Variants in ARFIP1 observed in about 807,000 individuals in gnomAD.
The protein encoded by ARFIP1 is arfaptin-1.
ARFIP1 carries 24 observed loss-of-function variants against 42.5 expected under a neutral mutation model. The observed-to-expected ratio is 0.57, with a 90% CI of 0.41 to 0.80. ARFIP1 has a LOEUF of 0.80. ARFIP1 is among the 30% of genes least tolerant of loss of function. ARFIP1 has a pLI of 0.00. For synonymous variants in ARFIP1, 141 were observed against 153.7 expected (o/e 0.92, Z 0.61); for missense variants, 354 against 434.0 (o/e 0.82, Z 1.64).
At chr4:152,888,398 G>T in intron 8 of ARFIP1, 91 bp downstream of exon 8, 1 of 871,174 alleles carries the variant, frequency 1.1e-6, no homozygotes. Flanking sequence ...TAACTCTCTT[G>T]TATGACAATT....
intron 5 of ARFIP1, among the ~76,000 whole-genome samples, chr4:152,874,096 A>G (rs74638009): frequency 0.038 from 5,710 of 152,164 alleles, 158 homozygotes; most frequent in South Asian, 0.079. Flanking sequence ...CATGTTGTTT[A>G]GTTGATGTTT....
intron 1 of ARFIP1, among the ~76,000 whole-genome samples, chr4:152,826,488 G>A (rs1384709995): frequency 6.6e-6 from 1 of 152,034 alleles, no homozygotes; most frequent in Non-Finnish European, 1.5e-5. Flanking sequence ...AGGGTGCTGG[G>A]GAGTGAGGGA....
intron 2 of ARFIP1, among the ~76,000 whole-genome samples, chr4:152,847,469 T>G (rs1373807476): frequency 6.6e-6 from 1 of 152,028 alleles, no homozygotes; most frequent in Non-Finnish European, 1.5e-5. Context: ...AACAGCCAGA[T>G]GTGGAGAGGA....
chr4:152,789,080 CTTTTT>C (rs71598215), intron 1 of ARFIP1, among the ~76,000 whole-genome samples: 1 of 71,858 alleles, frequency 1.4e-5, no homozygotes, highest in Non-Finnish European at 2.6e-5. Context: ...AGAATACAGA[CTTTTT>C]TTTTTTTTTT....
chr4:152,874,693 C>T (rs751333039), intron 5 of ARFIP1, among the ~76,000 whole-genome samples: 3 of 151,806 alleles, frequency 2.0e-5, no homozygotes, highest in Non-Finnish European at 4.4e-5. Flanking sequence ...GTAGATAGGT[C>T]TCACTCTGTC....
chr4:152,802,316 T>C (rs1728487286), intron 1 of ARFIP1, among the ~76,000 whole-genome samples: 1 of 151,978 alleles, frequency 6.6e-6, no homozygotes, highest in African/African-American at 2.4e-5. Flanking sequence ...TGAATTAGCT[T>C]TGTGTCTTTC....
At chr4:152,889,654 G>C (rs1173104892) in intron 8 of ARFIP1, among the ~76,000 whole-genome samples, 1 of 122,336 alleles carries the variant, frequency 8.2e-6, no homozygotes, top group African/African-American at 3.2e-5. Context: ...ACTATATATA[G>C]TATATATACA....
chr4:152,908,749 A>T (rs1387307797), intron 8 of ARFIP1, among the ~76,000 whole-genome samples: 1 of 152,168 alleles, frequency 6.6e-6, no homozygotes, highest in African/African-American at 2.4e-5. Context: ...ACCCTCTGTC[A>T]GGGCAGATTG....
At chr4:152,898,066 C>T (rs1737500921) in intron 8 of ARFIP1, among the ~76,000 whole-genome samples, 2 of 150,834 alleles carry the variant, frequency 1.3e-5, no homozygotes, top group Admixed American at 6.6e-5. Context: ...TCACTGCAAC[C>T]TCCGCCTCCC....
chr4:152,807,782 T>C (rs1729102906), intron 1 of ARFIP1, among the ~76,000 whole-genome samples: 1 of 152,128 alleles, frequency 6.6e-6, no homozygotes, highest in Admixed American at 6.5e-5. Flanking sequence ...ATTATCAGTA[T>C]TTTTCTTTTC....
In ARFIP1 at chr4:152,866,290, C is replaced by T. The variant is rs373659990; in HGVS notation, c.202+2576C>T. Among the ~76,000 whole-genome samples, 6 of 152,376 alleles carry T rather than the reference C, an allele frequency of 3.9e-5. No individual in the cohort carries two copies. The South Asian group carries it at 1.2e-3, about 32-fold the overall frequency. On this transcript the variant is annotated intron_variant, in intron 3 of 8. Transcript: ENST00000353617. ...CTTCTTTCTACACAGACACAGCAAC[C>T]ATCCAATTTCTCAATCTTTTCCCCA...
chr4:152,811,063 G>A (rs1187121346), intron 1 of ARFIP1, among the ~76,000 whole-genome samples: 2 of 148,986 alleles, frequency 1.3e-5, no homozygotes, highest in Admixed American at 6.7e-5. Flanking sequence ...CATGGAAATC[G>A]ACAACAGCCA....
In ARFIP1 at chr4:152,845,962, A is replaced by G. The variant is rs185695611; in HGVS notation, c.93+16236A>G. 4.5e-4 allele frequency among the ~76,000 whole-genome samples: 68 copies of G among 152,262 alleles called. 3 individuals are homozygous for G. The East Asian group carries it at 7.7e-3, about 17-fold the overall frequency. On this transcript the variant is annotated intron_variant, in intron 2 of 8. Transcript: ENST00000353617. ...CAATCTAGGTACCCATCAATGGTGG[A>G]TTGGGTAAAGAAAATGTGGTAGATA...
chr4:152,864,922 T>TC (rs1353518332), intron 3 of ARFIP1, among the ~76,000 whole-genome samples: 1 of 150,454 alleles, frequency 6.6e-6, no homozygotes, highest in Non-Finnish European at 1.5e-5. Flanking sequence ...ACTTTTTTTT[T>TC]TTTTTTTTTT....
At chr4:152,849,711 AT>A (rs767420938) in intron 2 of ARFIP1, among the ~76,000 whole-genome samples, 1 of 152,156 alleles carries the variant, frequency 6.6e-6, no homozygotes, top group Non-Finnish European at 1.5e-5. Flanking sequence ...AAAAAAATCA[AT>A]AAAAATGTTA....
chr4:152,822,788 G>A (rs902647989), intron 1 of ARFIP1, among the ~76,000 whole-genome samples: 1 of 152,144 alleles, frequency 6.6e-6, no homozygotes, highest in Non-Finnish European at 1.5e-5. Context: ...ACATGGAAAT[G>A]AACAATCTGC....
At chr4:152,820,455 A>C (rs59817854) in intron 1 of ARFIP1, among the ~76,000 whole-genome samples, 5 of 152,192 alleles carry the variant, frequency 3.3e-5, no homozygotes, top group Admixed American at 6.5e-5. Context: ...TAAAAAAACT[A>C]TCTGAGACTG....
At chr4:152,895,273 T>G (rs1737213016) in intron 8 of ARFIP1, among the ~76,000 whole-genome samples, 1 of 152,210 alleles carries the variant, frequency 6.6e-6, no homozygotes, top group African/African-American at 2.4e-5. Context: ...TCAGGAGATA[T>G]TTAAAAGGTA....
chr4:152,823,343 CAAG>C (rs754614540), intron 1 of ARFIP1, among the ~76,000 whole-genome samples: 12 of 151,982 alleles, frequency 7.9e-5, no homozygotes, highest in Non-Finnish European at 1.8e-4. Flanking sequence ...AAGCTTGAAT[CAAG>C]AAGAAATAGA....
Sources: allele counts gnomAD v4.1 joint callset (sites outside exome capture counted in the v4.1 genomes callset), GRCh38; gene constraint gnomAD v4.1.1; transcripts MANE v1.5; gene names NCBI Gene and HGNC (gene_info 2026-07-23, HGNC 2026-07-21).